Variants in BSN observed in about 807,000 individuals in gnomAD.
BSN encodes the protein protein bassoon.
Under a neutral mutation model 264.8 loss-of-function variants are expected in BSN, and 57 were observed. The ratio of observed to expected loss-of-function variants is 0.22; its 90% CI spans 0.17 to 0.27. The LOEUF (loss-of-function observed/expected upper bound fraction) is 0.27, where lower values mean the gene tolerates loss of function less well. BSN is among the 10% of genes least tolerant of loss of function. BSN has a pLI of 1.00. For synonymous variants in BSN, 2,059 were observed against 2,137.3 expected (o/e 0.96, Z 1.01); for missense variants, 4,615 against 5,232.5 (o/e 0.88, Z 3.64).
Position 49,652,820 on chromosome 3 carries a change from G to A in BSN, c.3264G>A (p.Glu1088=). 6.4e-7 allele frequency: 1 copy of A among 1,571,706 alleles called. No individual in the cohort carries two copies. The part of the protein sequence containing the change: ...KEELRAQRRR[E]RSKTPPSNLS... The stretch of plus-strand genomic sequence containing the variant: ...AACTGCGGGCCCAGCGGAGGCGAGA[G>A]CGCTCCAAGACACCACCCAGTAACT... Residue 1088 remains glutamate (E), a synonymous_variant, in exon 5 of 12, where the codon GAG becomes GAA. Transcript: ENST00000296452.
intron 1 of BSN, among the ~76,000 whole-genome samples, chr3:49,617,644 A>T (rs1417764350): frequency 6.6e-6 from 1 of 151,952 alleles, no homozygotes; most frequent in African/African-American, 2.4e-5. Context: ...CAGCGGCCAT[A>T]TTTTGGCGGA....
At chr3:49,584,509 G>A (rs2051919605) in intron 1 of BSN, among the ~76,000 whole-genome samples, 1 of 151,808 alleles carries the variant, frequency 6.6e-6, no homozygotes, top group Non-Finnish European at 1.5e-5. Context: ...TGGGCACTTA[G>A]TAGGTGTATA....
At chr3:49,666,658 A>G (rs1457988785) in intron 11 of BSN, among the ~76,000 whole-genome samples, 2 of 152,244 alleles carry the variant, frequency 1.3e-5, no homozygotes, top group South Asian at 2.1e-4. Context: ...CGGTGGGATG[A>G]AAAAAGGGGA....
At chr3:49,644,893 C>T in intron 3 of BSN, among the ~76,000 whole-genome samples, 1 of 152,196 alleles carries the variant, frequency 6.6e-6, no homozygotes, top group East Asian at 1.9e-4. Flanking sequence ...TGGGCCAGGC[C>T]ACGGGAAGTG....
At chr3:49,583,938 AT>A (rs1370724556) in intron 1 of BSN, among the ~76,000 whole-genome samples, 1 of 152,078 alleles carries the variant, frequency 6.6e-6, no homozygotes, top group Non-Finnish European at 1.5e-5. Context: ...CAGTGGCGCG[AT>A]CTCGGCTCAC....
chr3:49,588,468 A>G (rs965277422), intron 1 of BSN, among the ~76,000 whole-genome samples: 1 of 151,896 alleles, frequency 6.6e-6, no homozygotes, highest in African/African-American at 2.4e-5. Flanking sequence ...CAGTTTTTTG[A>G]GGGTTTTTTT....
Position 49,661,164 on chromosome 3 carries a change from C to T in BSN, c.9319C>T (p.Pro3107Ser), listed in dbSNP as rs2052650632. ...CAGTTACCCAGCTGAGCCTGGCCTG[C>T]CAAACCAGCAGGCTTTCCGCCCCAC... Reference protein sequence around the residue: ...GASYPAEPGLPNQQAFRPTGH... With the variant: ...GASYPAEPGLSNQQAFRPTGH... Residue 3107 changes from proline to serine, a missense_variant, in exon 6 of 12, where the codon CCA becomes TCA. Pro to Ser is a moderately conservative substitution (Grantham distance 74, BLOSUM62 -1). Around this residue, in one of 3 missense-constraint regions of BSN, gnomAD observed 3,415 missense variants for 3,866.4 expected, o/e 0.88. Transcript: ENST00000296452. 1.9e-6 allele frequency: 3 copies of T among 1,613,308 alleles called. No homozygotes were observed. The highest frequency in any genetic ancestry group is 2.5e-6 in the Non-Finnish European group (3 of 1,179,996).
intron 2 of BSN, among the ~76,000 whole-genome samples, chr3:49,641,379 C>A (rs951196720): frequency 2.0e-5 from 3 of 152,164 alleles, no homozygotes; most frequent in African/African-American, 7.2e-5. Context: ...GAATAAAGAC[C>A]CTCTCTCCTG....
chr3:49,609,381 G>T (rs1488584395), intron 1 of BSN, among the ~76,000 whole-genome samples: 1 of 151,968 alleles, frequency 6.6e-6, no homozygotes, highest in Non-Finnish European at 1.5e-5. Context: ...GGGACTATAG[G>T]TGTGAGCCAC....
In BSN at chr3:49,666,198, G is replaced by A. The variant is rs13083752; in HGVS notation, c.*104+880G>A. On this transcript the variant is annotated intron_variant, in intron 11 of 11. Coordinates refer to ENST00000296452, the MANE Select transcript of BSN (RefSeq NM_003458.4). ...TGTGTTATCCATGGCGGGGCCTGGC[G>A]GTCAGTGAGCAGGTCACTTCAAGGG... Among the ~76,000 whole-genome samples, 37 of 152,348 alleles carry A rather than the reference G, an allele frequency of 2.4e-4. 1 individual carries two copies. The South Asian group carries it at 4.3e-3, about 18-fold the overall frequency.
At position 49,657,331 on chromosome 3, in the gene BSN, G is replaced by A; in HGVS notation, c.7775G>A (p.Gly2592Glu). 6.2e-7 allele frequency: 1 copy of A among 1,613,504 alleles called. No individual in the cohort carries two copies. The highest frequency in any genetic ancestry group is 1.1e-5 in the South Asian group (1 of 91,086). Residue 2592 changes from glycine to glutamate, a missense_variant, in exon 5 of 12, where the codon GGG becomes GAG. This residue lies in a region of BSN where 3,415 missense variants were observed against 3,866.4 expected (regional missense o/e 0.88). Transcript: ENST00000296452. ...AGCGTGCAGACAGACGATGAGGATG[G>A]GGAGAGCCGCTACCTCTTGAGTCGG... ...DSSVQTDDED[G>E]ESRYLLSRRR...
At chr3:49,604,752 G>T (rs1165471821) in intron 1 of BSN, among the ~76,000 whole-genome samples, 1 of 151,982 alleles carries the variant, frequency 6.6e-6, no homozygotes, top group Admixed American at 6.6e-5. Flanking sequence ...TTCAGAATGG[G>T]TCCAGGAACA....
chr3:49,639,194 T>C (rs1011312277), intron 2 of BSN, among the ~76,000 whole-genome samples: 2 of 140,058 alleles, frequency 1.4e-5, no homozygotes, highest in Admixed American at 7.0e-5. Flanking sequence ...TCTTTCTTTC[T>C]TTTTCTTTTT....
chr3:49,652,746 C>A lies in BSN; in HGVS notation c.3190C>A (p.Gln1064Lys). ...REQEKMREVE[Q>K]QRIRSTARKT... The stretch of plus-strand genomic sequence containing the variant: ...GCAAGAGAAGATGCGGGAGGTGGAG[C>A]AGCAGCGCATCCGCAGCACGGCCCG... Residue 1064 changes from glutamine to lysine, a missense_variant, in exon 5 of 12, where the codon CAG (glutamine) becomes AAG (lysine). Gln to Lys is a moderately conservative substitution (Grantham distance 53). This residue lies in a region of BSN where 3,415 missense variants were observed against 3,866.4 expected (regional missense o/e 0.88). Coordinates refer to ENST00000296452, the MANE Select transcript of BSN (RefSeq NM_003458.4). 6.4e-7 allele frequency: 1 copy of A among 1,557,634 alleles called. No homozygotes were observed. The highest frequency in any genetic ancestry group is 1.2e-5 in the South Asian group (1 of 81,276).
chr3:49,628,835 C>G (rs1026796676), intron 2 of BSN, among the ~76,000 whole-genome samples: 14 of 152,084 alleles, frequency 9.2e-5, no homozygotes, highest in Non-Finnish European at 1.9e-4. Flanking sequence ...CTCATTTTCC[C>G]CATCCATAGT....
chr3:49,628,619 C>A (rs1162085837), intron 2 of BSN, among the ~76,000 whole-genome samples: 1 of 152,120 alleles, frequency 6.6e-6, no homozygotes, highest in Non-Finnish European at 1.5e-5. Context: ...GGAGGCCTGC[C>A]CATGTAGTTT....
rs2052435217 is a variant in BSN at position 49,638,363 on chromosome 3, C to G, written c.634-3905C>G. 6.6e-6 allele frequency among the ~76,000 whole-genome samples: 1 copy of G among 152,216 alleles called. No homozygotes were observed. Among genetic ancestry groups the G allele is most frequent in the Admixed American group, 6.5e-5 (1 of 15,284 alleles). On this transcript the variant is annotated intron_variant, in intron 2 of 11. Coordinates refer to ENST00000296452, the MANE Select transcript of BSN (RefSeq NM_003458.4). This position sits in a 1 kb window ranked among gnomAD's most constrained non-coding sequence, Gnocchi z 4.3. Reference sequence around the variant, plus strand: ...ATCTCTCTCCCTACCCCGTGGACAGCCTCCATCCCCCTGAGTGTGGGGATA... The same window carrying G: ...ATCTCTCTCCCTACCCCGTGGACAGGCTCCATCCCCCTGAGTGTGGGGATA...
chr3:49,666,769 G>A (rs1321896744), intron 11 of BSN, among the ~76,000 whole-genome samples: 2 of 150,678 alleles, frequency 1.3e-5, no homozygotes, highest in Non-Finnish European at 3.0e-5. Context: ...GTGGTCAGGG[G>A]TAAAGTCCAA....
At chr3:49,596,372 C>G (rs1010107198) in intron 1 of BSN, among the ~76,000 whole-genome samples, 2 of 152,184 alleles carry the variant, frequency 1.3e-5, no homozygotes, top group African/African-American at 4.8e-5. Flanking sequence ...CCACTGTACT[C>G]CAGCCTGGGT....
Sources: allele counts gnomAD v4.1 joint callset (sites outside exome capture counted in the v4.1 genomes callset), GRCh38; gene constraint gnomAD v4.1.1; regional missense constraint gnomAD v4.1.1; non-coding constraint Gnocchi (gnomAD v3.1); transcripts MANE v1.5; gene names NCBI Gene and HGNC (gene_info 2026-07-23, HGNC 2026-07-21).